The following SUN1 variants were observed in gnomAD, a reference collection of about 807,000 sequenced individuals.
The protein encoded by SUN1 is Sad1 and UNC84 domain containing 1, also known as SUN domain-containing protein 1.
A neutral mutation model predicts 103.2 loss-of-function variants in SUN1; 61 were observed. The observed-to-expected ratio is 0.59, with a 90% confidence interval of 0.48 to 0.73. The LOEUF (loss-of-function observed/expected upper bound fraction) is 0.73, where lower values mean the gene tolerates loss of function less well. Among genes scored for constraint, SUN1 ranks in the 30% least tolerant of loss-of-function variants. SUN1 has a pLI of 0.00. For synonymous variants in SUN1, 490 were observed against 425.7 expected (o/e 1.15, Z -1.86); for missense variants, 1,052 against 1,034.6 (o/e 1.02, Z -0.23).
At chr7:858,622 G>C (rs1426196385) in intron 13 of SUN1, among the ~76,000 whole-genome samples, 2 of 152,150 alleles carry the variant, frequency 1.3e-5, no homozygotes, top group African/African-American at 2.4e-5. Flanking sequence ...CCTGCTGCTT[G>C]CTCTGTTTCG....
chr7:833,764 T>C (rs1274630623), intron 1 of SUN1, among the ~76,000 whole-genome samples: 2 of 152,242 alleles, frequency 1.3e-5, no homozygotes, highest in Non-Finnish European at 2.9e-5. Flanking sequence ...CACACTTCCA[T>C]AGCAACACAC....
intron 16 of SUN1, among the ~76,000 whole-genome samples, chr7:866,271 T>C (rs992049866): frequency 1.3e-5 from 2 of 152,166 alleles, no homozygotes; most frequent in Non-Finnish European, 2.9e-5. Context: ...TTGGCTTGGG[T>C]TTAGCGTCAC....
intron 1 of SUN1, among the ~76,000 whole-genome samples, chr7:818,298 G>C (rs7787662): frequency 0.84 from 128,446 of 152,304 alleles, 54,817 homozygotes; most frequent in East Asian, 1. Context: ...ATATGCAGCC[G>C]CTTGTGTCTG....
intron 5 of SUN1, chr7:850,088 T>G: frequency 6.8e-7 from 1 of 1,469,222 alleles, no homozygotes; most frequent in East Asian, 2.5e-5. Flanking sequence ...GCTATTTGTG[T>G]CTTGTGTGGT....
intron 1 of SUN1, among the ~76,000 whole-genome samples, chr7:824,428 A>G (rs2128162525): frequency 1.3e-5 from 2 of 152,296 alleles, no homozygotes; most frequent in South Asian, 4.1e-4. Flanking sequence ...TACTGGTTAT[A>G]AGGAAATTCT....
chr7:836,593 T>G (rs1803456301), intron 1 of SUN1, among the ~76,000 whole-genome samples: 1 of 152,218 alleles, frequency 6.6e-6, no homozygotes, highest in African/African-American at 2.4e-5. Context: ...TAGCTGGCGT[T>G]CCAGGTCCAG....
At chr7:840,087 C>T (rs1235271931) in intron 2 of SUN1, among the ~76,000 whole-genome samples, 1 of 152,210 alleles carries the variant, frequency 6.6e-6, no homozygotes, top group Non-Finnish European at 1.5e-5. Flanking sequence ...CCGTTCCAGT[C>T]ATCTTTCTCT....
chr7:848,699 C>T (rs1818940644), intron 5 of SUN1: 2 of 986,108 alleles, frequency 2.0e-6, no homozygotes, highest in Non-Finnish European at 1.4e-6. Context: ...CGCCAGGCGC[C>T]TCCCTCGCTG....
chr7:831,680 A>G (rs1342418135), upstream of SUN1, among the ~76,000 whole-genome samples: 2 of 152,250 alleles, frequency 1.3e-5, no homozygotes, highest in African/African-American at 4.8e-5. Context: ...TTTATTTCAA[A>G]GAAGGTAGCA....
chr7:872,675 A>C lies in SUN1; in HGVS notation c.2241+113A>C, dbSNP rs1585414587. 4 of 810,134 alleles carry C rather than the reference A, an allele frequency of 4.9e-6. No homozygotes were observed. In the East Asian group the frequency reaches 1.1e-4, roughly 22 times the overall value. The allele number at this position is 810,134 out of a possible 1,614,324, so 50.2% of individuals were successfully genotyped here. A position where few individuals can be genotyped will look rare whatever the true frequency, so the allele number is the denominator to read the frequency against. On this transcript the variant is annotated intron_variant, in intron 18 of 18. Transcript: ENST00000401592. ...AAGCAGCGTGAGGACCATCCTTTGAAAAATGTTAACCTGCGCTTCCTGGCT... is the reference window on the plus strand; with the variant it reads ...AAGCAGCGTGAGGACCATCCTTTGACAAATGTTAACCTGCGCTTCCTGGCT...
chr7:842,362 G>A lies in SUN1; in HGVS notation c.451+232G>A, dbSNP rs928162940. ...GACGCTCCTTGGAAGCTGCTTCCAT[G>A]TGCGCCTTGTCGGGTGGTCATTGGG... On this transcript the variant is annotated intron_variant, in intron 3 of 18. Coordinates refer to ENST00000401592, the MANE Select transcript of SUN1 (RefSeq NM_001130965.3). The A allele has an allele frequency of 9.1e-6, 5 of 548,660 alleles. No individual in the cohort carries two copies. The Admixed American group carries it at 1.1e-4, about 12-fold the overall frequency. 34.0% of individuals were successfully genotyped at this position (548,660 alleles called of 1,614,324 possible).
At chr7:821,578 T>A (rs1031601048) in intron 1 of SUN1, among the ~76,000 whole-genome samples, 3 of 152,186 alleles carry the variant, frequency 2.0e-5, no homozygotes, top group African/African-American at 7.2e-5. Context: ...CTTTATAGTG[T>A]CTCCAGATTC....
At chr7:856,599 C>A (rs959355864) in intron 12 of SUN1, among the ~76,000 whole-genome samples, 198 bp downstream of exon 12, 1 of 152,200 alleles carries the variant, frequency 6.6e-6, no homozygotes, top group Non-Finnish European at 1.5e-5. Context: ...GCCACATCCC[C>A]CTCCACGCGG....
intron 1 of SUN1, 71 bp from the exon 2 acceptor site, chr7:838,727 T>C (rs1375543847): frequency 7.2e-7 from 1 of 1,394,628 alleles, no homozygotes; most frequent in Non-Finnish European, 9.5e-7. Context: ...TTTCAGTTTA[T>C]GGTTTGTTCA....
chr7:838,886 T>G lies in SUN1; in HGVS notation c.166T>G (p.Leu56Val). The change falls in exon 2 of 19, where the codon TTG becomes GTG. Residue 56 changes from leucine (L) to valine (V), a missense_variant. This residue lies in a region of SUN1 where 846 missense variants were observed against 774.5 expected (regional missense o/e 1.09). Coordinates refer to ENST00000401592, the MANE Select transcript of SUN1 (RefSeq NM_001130965.3). ...TTCTCCACGGATGTCCCGCCGTAGT[T>G]TGCGCCTGGCCACGACAGCATGCAC... ...FDSPRMSRRS[L>V]RLATTACTLG... 6.2e-7 allele frequency: 1 copy of G among 1,609,218 alleles called. No individual in the cohort carries two copies. The highest frequency in any genetic ancestry group is 8.5e-7 in the Non-Finnish European group (1 of 1,178,200).
chr7:870,338 C>T (rs1204416662), intron 17 of SUN1, among the ~76,000 whole-genome samples: 1 of 151,958 alleles, frequency 6.6e-6, no homozygotes, highest in African/African-American at 2.4e-5. Flanking sequence ...GCCTGTAATC[C>T]TAGCACTTTG....
Position 865,940 on chromosome 7 carries a change from C to T in SUN1, c.1865-12C>T, listed in dbSNP as rs1237929487. On this transcript the variant is annotated splice_polypyrimidine_tract_variant and intron_variant, in intron 15 of 18. Coordinates refer to ENST00000401592, the MANE Select transcript of SUN1 (RefSeq NM_001130965.3). ...AACTGGACACTGAGACCGATCTGAACTTTGCTTTAAGGTGGCAGCATCTTG... is the reference window on the plus strand; with the variant it reads ...AACTGGACACTGAGACCGATCTGAATTTTGCTTTAAGGTGGCAGCATCTTG... 1.2e-6 allele frequency: 2 copies of T among 1,612,678 alleles called. No homozygotes were observed. The highest frequency in any genetic ancestry group is 2.2e-5 in the South Asian group (2 of 91,028).
At chr7:870,748 C>T (rs1428087299) in intron 17 of SUN1, among the ~76,000 whole-genome samples, 3 of 152,154 alleles carry the variant, frequency 2.0e-5, no homozygotes, top group South Asian at 2.1e-4. Flanking sequence ...CCTGTGTGAG[C>T]GTCGCTCCTT....
At chr7:829,198 A>G (rs1269097205), upstream of SUN1, among the ~76,000 whole-genome samples, 1 of 152,250 alleles carries the variant, frequency 6.6e-6, no homozygotes, top group South Asian at 2.1e-4. Context: ...TGATCAGATT[A>G]TAAATGCAAA....
Sources: allele counts gnomAD v4.1 joint callset (sites outside exome capture counted in the v4.1 genomes callset), GRCh38; gene constraint gnomAD v4.1.1; regional missense constraint gnomAD v4.1.1; transcripts MANE v1.5; gene names NCBI Gene and HGNC (gene_info 2026-07-23, HGNC 2026-07-21).